Variants in TRPC5 observed in about 807,000 individuals in gnomAD.
The protein encoded by TRPC5 is short transient receptor potential channel 5.
TRPC5 carries 9 observed loss-of-function variants against 56.5 expected under a neutral mutation model. That is an observed-to-expected ratio of 0.16 (90% CI 0.10 to 0.28). The LOEUF (loss-of-function observed/expected upper bound fraction) is 0.28, where lower values mean the gene tolerates loss of function less well. Ranked by LOEUF, TRPC5 falls within the 10% of genes least tolerant of loss-of-function variation. The pLI, the probability that TRPC5 is intolerant of heterozygous loss-of-function variation, is 1.00. For missense variants in TRPC5, 469 were observed against 748.9 expected (o/e 0.63, Z 4.36); for synonymous variants, 282 against 278.5 (o/e 1.01, Z -0.13).
chrX:111,940,012 G>A (rs1404396022), intron 2 of TRPC5, among the ~76,000 whole-genome samples: 1 of 111,438 alleles, frequency 9.0e-6, no homozygotes, highest in Non-Finnish European at 1.9e-5. Flanking sequence ...TTTGATGTAA[G>A]CACTTATAGC....
intron 4 of TRPC5, among the ~76,000 whole-genome samples, chrX:111,852,960 T>C (rs1014471817): frequency 9.0e-6 from 1 of 111,275 alleles, no homozygotes; most frequent in Admixed American, 9.6e-5. Context: ...TCTCTCATCA[T>C]GTAGAAGTTT....
intron 1 of TRPC5, among the ~76,000 whole-genome samples, chrX:112,062,813 T>C (rs1930488545): frequency 8.9e-6 from 1 of 111,748 alleles, no homozygotes; most frequent in Admixed American, 9.5e-5. Context: ...AGAAGGGTAA[T>C]GTCAAGGGAG....
At chrX:111,791,005 G>A (rs1946015601) in intron 7 of TRPC5, among the ~76,000 whole-genome samples, 1 of 68,335 alleles carries the variant, frequency 1.5e-5, no homozygotes, top group African/African-American at 6.1e-5. Flanking sequence ...GGGCCACAGA[G>A]CAAGACTCCA....
At chrX:111,844,768 T>G (rs1922879075) in intron 6 of TRPC5, among the ~76,000 whole-genome samples, 1 of 110,584 alleles carries the variant, frequency 9.0e-6, no homozygotes, top group Non-Finnish European at 1.9e-5. Flanking sequence ...ACTGGCCTGT[T>G]TTTTTCTTTT....
intron 3 of TRPC5, among the ~76,000 whole-genome samples, chrX:111,874,087 C>T (rs960746483): frequency 1.8e-5 from 2 of 112,100 alleles, no homozygotes; most frequent in African/African-American, 6.5e-5. Flanking sequence ...CCAGGTAAGA[C>T]CACCCCAAAT....
chrX:111,952,117 A>G lies in TRPC5; in HGVS notation c.304T>C (p.Tyr102His), dbSNP rs1482603747. The G allele has an allele frequency of 4.1e-6, 5 of 1,212,345 alleles. No individual in the cohort carries two copies. Among genetic ancestry groups the G allele is most frequent in the Middle Eastern group, 2.3e-4 (1 of 4,351 alleles). ...HSVYVGDALL[Y>H]AIRKEVVGAV... Reference sequence around the variant, plus strand: ...CCCACCACTTCCTTGCGTATGGCATAGAGCAATGCATCACCCACATACACG... The same window carrying G: ...CCCACCACTTCCTTGCGTATGGCATGGAGCAATGCATCACCCACATACACG... The change falls in exon 2 of 11, where the codon TAT becomes CAT. Residue 102 changes from tyrosine (Y) to histidine (H), a missense_variant. This residue lies in a region of TRPC5 where 118 missense variants were observed against 167.1 expected (regional missense o/e 0.71). Transcript: ENST00000262839.
intron 1 of TRPC5, among the ~76,000 whole-genome samples, chrX:112,026,056 T>C (rs1929403993): frequency 8.9e-6 from 1 of 112,445 alleles, no homozygotes; most frequent in Non-Finnish European, 1.9e-5. Flanking sequence ...GAAACAGTTA[T>C]AAGAGCACTC....
chrX:112,054,740 A>G (rs975856582), intron 1 of TRPC5, among the ~76,000 whole-genome samples: 2 of 111,330 alleles, frequency 1.8e-5, no homozygotes, highest in Non-Finnish European at 3.8e-5. Context: ...GCTATTTATG[A>G]CATTTCTCAT....
intron 3 of TRPC5, among the ~76,000 whole-genome samples, chrX:111,872,045 C>G (rs1188195192): frequency 1.8e-5 from 2 of 112,311 alleles, no homozygotes; most frequent in Non-Finnish European, 3.8e-5. Context: ...TTGACTTTGA[C>G]CTTCTCTGCC....
chrX:111,821,061 C>T (rs1033793611), intron 7 of TRPC5, among the ~76,000 whole-genome samples: 1 of 111,447 alleles, frequency 9.0e-6, no homozygotes, highest in South Asian at 3.8e-4. Flanking sequence ...TGGTTCTAAT[C>T]ACACTAGTCC....
intron 2 of TRPC5, among the ~76,000 whole-genome samples, chrX:111,915,450 T>C (rs1925947692): frequency 9.0e-6 from 1 of 111,347 alleles, no homozygotes; most frequent in Non-Finnish European, 1.9e-5. Flanking sequence ...TGTGTGTATA[T>C]CCTTGTGGAT....
intron 1 of TRPC5, among the ~76,000 whole-genome samples, chrX:111,984,504 A>G (rs185992357): frequency 1.8e-5 from 2 of 112,121 alleles, no homozygotes; most frequent in Admixed American, 1.9e-4. Context: ...CACCTTGGAA[A>G]GGATATCTTG....
intron 2 of TRPC5, among the ~76,000 whole-genome samples, chrX:111,938,399 G>A (rs1339444193): frequency 9.3e-6 from 1 of 107,165 alleles, no homozygotes; most frequent in Non-Finnish European, 1.9e-5. Flanking sequence ...TAGGAGTGGT[G>A]AGAGAAGGCA....
At chrX:111,801,758 C>T (rs183738620) in intron 7 of TRPC5, among the ~76,000 whole-genome samples, 69 of 112,231 alleles carry the variant, frequency 6.1e-4, no homozygotes, top group Admixed American at 3.0e-3. Flanking sequence ...ATTATTGAGA[C>T]GTAAACATTG....
intron 3 of TRPC5, among the ~76,000 whole-genome samples, chrX:111,878,297 C>T (rs988905557): frequency 2.8e-5 from 3 of 107,685 alleles, no homozygotes; most frequent in Non-Finnish European, 5.7e-5. Flanking sequence ...CTAGACCACA[C>T]TGTAGAAAAA....
intron 7 of TRPC5, among the ~76,000 whole-genome samples, chrX:111,782,753 GTGTT>G (rs1945929537): frequency 9.2e-6 from 1 of 108,498 alleles, no homozygotes; most frequent in Non-Finnish European, 1.9e-5. Flanking sequence ...ACCATTTAAA[GTGTT>G]TGATGAGTTT....
In TRPC5 at chrX:111,913,015, T is replaced by C. The variant is rs573618210; in HGVS notation, c.379-203A>G. Among the ~76,000 whole-genome samples the C allele has an allele frequency of 3.6e-5, 4 of 111,962 alleles. No homozygotes were observed. In the East Asian group the frequency reaches 8.4e-4, roughly 24 times the overall value. ...GGCACTATTCTAAGCACATTACATG[T>C]CTTTACTCATTTAATCTCCACAACA... On this transcript the variant is annotated intron_variant, in intron 2 of 10. Coordinates refer to ENST00000262839, the MANE Select transcript of TRPC5 (RefSeq NM_012471.3).
At chrX:111,948,202 A>G (rs1926979405) in intron 2 of TRPC5, among the ~76,000 whole-genome samples, 1 of 110,587 alleles carries the variant, frequency 9.0e-6, no homozygotes, top group African/African-American at 3.3e-5. Flanking sequence ...TGTCCCTACT[A>G]TGTGCAGAAT....
intron 3 of TRPC5, among the ~76,000 whole-genome samples, chrX:111,866,186 T>C (rs1383870406): frequency 5.3e-5 from 6 of 113,901 alleles, no homozygotes; most frequent in African/African-American, 1.9e-4. Flanking sequence ...ATCTTCCCCA[T>C]TGGCCTTGCG....
Sources: allele counts gnomAD v4.1 joint callset (sites outside exome capture counted in the v4.1 genomes callset), GRCh38; gene constraint gnomAD v4.1.1; regional missense constraint gnomAD v4.1.1; transcripts MANE v1.5; gene names NCBI Gene and HGNC (gene_info 2026-07-23, HGNC 2026-07-21).